The following TXNDC9 variants were observed in gnomAD, a reference collection of about 807,000 sequenced individuals.
TXNDC9 encodes the protein thioredoxin domain containing 9, also known as thioredoxin domain-containing protein 9.
In TXNDC9, 7 loss-of-function variants were observed where a neutral mutation model predicts 23.0. That is an observed-to-expected ratio of 0.30 (90% CI 0.17 to 0.57). The LOEUF (loss-of-function observed/expected upper bound fraction) is 0.57. TXNDC9 is among the 20% of genes least tolerant of loss of function. The pLI is 0.90. For synonymous variants in TXNDC9, 72 were observed against 90.6 expected (o/e 0.79, Z 1.17); for missense variants, 198 against 252.6 (o/e 0.78, Z 1.47).
chr2:99,323,114 G>A (rs1228806402), intron 3 of TXNDC9, among the ~76,000 whole-genome samples: 3 of 151,600 alleles, frequency 2.0e-5, no homozygotes, highest in Admixed American at 2.0e-4. Context: ...AAACAGAAGT[G>A]AGATTTTCTT....
chr2:99,321,897 T>C (rs563628524), intron 4 of TXNDC9, 58 bp downstream of exon 4: 1 of 1,447,576 alleles, frequency 6.9e-7, no homozygotes, highest in African/African-American at 1.4e-5. Flanking sequence ...AAAAATCTTT[T>C]GTAAAAATAT....
chr2:99,317,169 T>C (rs1024157738), downstream of TXNDC9, among the ~76,000 whole-genome samples: 3 of 152,224 alleles, frequency 2.0e-5, no homozygotes, highest in African/African-American at 4.8e-5. Context: ...AACACACTTA[T>C]AATAATGCTT....
Position 99,327,775 on chromosome 2 carries a change from T to G in TXNDC9, c.190-122A>C, listed in dbSNP as rs917419669. The G allele has an allele frequency of 1.4e-5, 9 of 654,346 alleles. No individual in the cohort carries two copies. In the African/African-American group the frequency reaches 1.7e-4, roughly 12 times the overall value. The allele number at this position is 654,346 out of a possible 1,614,324, so 40.5% of individuals were successfully genotyped here. On this transcript the variant is annotated intron_variant, in intron 2 of 4. Transcript: ENST00000264255. ...GAAGTCAATTAAAAAAAAAAGTTTT[T>G]TTTTTGTTTGTTTTTGTTTTTTTTT...
At chr2:99,317,501 T>C (rs2094191871), downstream of TXNDC9, among the ~76,000 whole-genome samples, 1 of 152,196 alleles carries the variant, frequency 6.6e-6, no homozygotes, top group Non-Finnish European at 1.5e-5. Context: ...GACTACTCCC[T>C]CTAGCCCCAA....
At chr2:99,322,678 T>C in intron 3 of TXNDC9, 1 of 1,531,636 alleles carries the variant, frequency 6.5e-7, no homozygotes, top group Non-Finnish European at 8.8e-7. Context: ...AAGAAGCACA[T>C]TAAGGCTAAG....
chr2:99,316,517 AT>A (rs1464347870), downstream of TXNDC9, among the ~76,000 whole-genome samples: 1 of 151,360 alleles, frequency 6.6e-6, no homozygotes, highest in Non-Finnish European at 1.5e-5. Context: ...TGTTTTCAAG[AT>A]TTTTTTCTTT....
intron 3 of TXNDC9, chr2:99,322,443 A>T (rs2094204646): frequency 7.8e-7 from 1 of 1,276,318 alleles, no homozygotes; most frequent in Admixed American, 3.1e-5. Context: ...CATTAATGAT[A>T]TTCTCTTTTA....
chr2:99,322,387 T>G (rs2094204480), intron 3 of TXNDC9, 178 bp from the exon 4 acceptor site: 1 of 1,212,860 alleles, frequency 8.2e-7, no homozygotes, highest in African/African-American at 1.5e-5. Flanking sequence ...GCTGCCTGAT[T>G]ACGAGATGGG....
chr2:99,324,581 A>AT (rs11367039), intron 3 of TXNDC9, among the ~76,000 whole-genome samples: 13 of 150,822 alleles, frequency 8.6e-5, no homozygotes, highest in Admixed American at 1.3e-4. Flanking sequence ...TAAGGAACGT[A>AT]TTTTTTTTTT....
chr2:99,326,421 T>C (rs1323388673), intron 3 of TXNDC9, among the ~76,000 whole-genome samples: 2 of 152,238 alleles, frequency 1.3e-5, no homozygotes, highest in Non-Finnish European at 2.9e-5. Flanking sequence ...ACAGTGCTTG[T>C]CTGTCCTGGG....
At chr2:99,315,806 C>T (rs2094187792), downstream of TXNDC9, among the ~76,000 whole-genome samples, 1 of 152,138 alleles carries the variant, frequency 6.6e-6, no homozygotes, top group Non-Finnish European at 1.5e-5. Context: ...CTACAAAACA[C>T]AAGGGTTTAT....
chr2:99,320,287 T>A (rs1412974501), intron 4 of TXNDC9, among the ~76,000 whole-genome samples: 1 of 152,224 alleles, frequency 6.6e-6, no homozygotes, highest in Non-Finnish European at 1.5e-5. Flanking sequence ...GGATTATAGG[T>A]ATGAGCCACT....
Position 99,319,512 on chromosome 2 carries a change from A to G in TXNDC9, c.*170T>C, listed in dbSNP as rs1387709483. On this transcript the variant is annotated 3_prime_UTR_variant, in exon 5 of 5. Transcript: ENST00000264255. The stretch of plus-strand genomic sequence containing the variant: ...GAACTGAGTTTTCCTCAACTTAAAC[A>G]TGATGGCCACACAGAAAACAGTAAA... 1.9e-6 allele frequency: 1 copy of G among 519,008 alleles called. No individual in the cohort carries two copies. The highest frequency in any genetic ancestry group is 2.0e-5 in the African/African-American group (1 of 49,844). 32.2% of individuals were successfully genotyped at this position (519,008 alleles called of 1,614,324 possible).
chr2:99,308,980 G>T, the TXNDC9 span, among the ~76,000 whole-genome samples: 2 of 151,972 alleles, frequency 1.3e-5, no homozygotes, highest in Non-Finnish European at 2.9e-5. Context: ...GGGATTACAG[G>T]CGTAAGCAGC....
chr2:99,332,015 C>A (rs2094226959), intron 2 of TXNDC9, among the ~76,000 whole-genome samples: 1 of 152,206 alleles, frequency 6.6e-6, no homozygotes, highest in Non-Finnish European at 1.5e-5. Flanking sequence ...CAGATGTGAA[C>A]CACCATGCCC....
At chr2:99,322,620 C>T in intron 3 of TXNDC9, 1 of 1,545,494 alleles carries the variant, frequency 6.5e-7, no homozygotes, top group Non-Finnish European at 8.7e-7. Context: ...AACTGAACAG[C>T]ATTACCGAGG....
rs780700251 is a variant in TXNDC9 at position 99,322,136 on chromosome 2, C to T, written c.382G>A (p.Val128Met). Residue 128 changes from valine to methionine, a missense_variant, in exon 4 of 5, where the codon GTG (valine) becomes ATG (methionine). Physicochemically the swap from Val to Met is conservative, Grantham distance 21. Coordinates refer to ENST00000264255, the MANE Select transcript of TXNDC9 (RefSeq NM_005783.4). The part of the protein sequence containing the change: ...HLETKFLKLN[V>M]EKAPFLCERL... ...TCACAAAGGAAAGGTGCTTTTTCCA[C>T]ATTCAGCTTCAAAAATTTGGTCTCG... 1.2e-5 allele frequency: 20 copies of T among 1,614,030 alleles called. No homozygotes were observed. Among genetic ancestry groups the T allele is most frequent in the Non-Finnish European group, 1.4e-5 (17 of 1,180,022 alleles).
chr2:99,332,882 A>T, intron 2 of TXNDC9, 140 bp downstream of exon 2: 1 of 706,576 alleles, frequency 1.4e-6, no homozygotes, highest in Non-Finnish European at 2.3e-6. Context: ...TTCTGGGCAA[A>T]TTTTTAACAG....
intron 3 of TXNDC9, among the ~76,000 whole-genome samples, chr2:99,325,249 T>C (rs979606927): frequency 2.0e-5 from 3 of 152,202 alleles, no homozygotes; most frequent in Non-Finnish European, 2.9e-5. Flanking sequence ...GTACCCCATA[T>C]TTACCTACTA....
Sources: allele counts gnomAD v4.1 joint callset (sites outside exome capture counted in the v4.1 genomes callset), GRCh38; gene constraint gnomAD v4.1.1; transcripts MANE v1.5; gene names NCBI Gene and HGNC (gene_info 2026-07-23, HGNC 2026-07-21).